Variants in ZW10 observed in about 807,000 individuals in gnomAD.
ZW10 encodes the protein centromere/kinetochore protein zw10 homolog.
ZW10 carries 53 observed loss-of-function variants against 87.8 expected under a neutral mutation model. The observed-to-expected ratio is 0.60, with a 90% CI of 0.48 to 0.76. The LOEUF is 0.76. Ranked by LOEUF, ZW10 falls within the 30% of genes least tolerant of loss-of-function variation. The pLI, the probability that ZW10 is intolerant of heterozygous loss-of-function variation, is 0.00. For synonymous variants in ZW10, 312 were observed against 329.2 expected, an observed-to-expected ratio of 0.95 and a Z score of 0.57; for missense variants, 837 against 923.0, an observed-to-expected ratio of 0.91 and a Z score of 1.21.
chr11:113,757,444 G>T (rs543179918), intron 7 of ZW10, among the ~76,000 whole-genome samples: 2 of 152,242 alleles, frequency 1.3e-5, no homozygotes, highest in East Asian at 3.9e-4. Flanking sequence ...AGAATCTGGG[G>T]TACCACTGAT....
At chr11:113,766,862 C>T (rs1436657033) in intron 2 of ZW10, among the ~76,000 whole-genome samples, 2 of 149,858 alleles carry the variant, frequency 1.3e-5, no homozygotes, top group Admixed American at 6.7e-5. Context: ...ACTAAAAATA[C>T]AAAAATTAGC....
At position 113,733,718 on chromosome 11, in the gene ZW10, T is replaced by C. The variant is rs1180628299; in HGVS notation, c.2316A>G (p.Ala772=). The change falls in exon 16 of 16, where the codon GCA becomes GCG. Residue 772 remains alanine, a synonymous_variant. Transcript: ENST00000200135. ...GCTATTTAATTTTAGCAAGGGCAGC[T>C]GCTCTTCTTTCTGTGTTCTGAAACA... ...RALFQNTERR[A]AALAKIK 1 of 1,614,176 alleles carries C rather than the reference T, an allele frequency of 6.2e-7. No individual in the cohort carries two copies. Among genetic ancestry groups the C allele is most frequent in the South Asian group, 1.1e-5 (1 of 91,082 alleles).
Position 113,737,559 on chromosome 11 carries a change from T to C in ZW10, c.2016+13A>G. 2 of 1,596,108 alleles carry C rather than the reference T, an allele frequency of 1.3e-6. No individual in the cohort carries two copies. Among genetic ancestry groups the C allele is most frequent in the African/African-American group, 2.7e-5 (2 of 74,766 alleles). On this transcript the variant is annotated intron_variant, in intron 14 of 15. Coordinates refer to ENST00000200135, the MANE Select transcript of ZW10 (RefSeq NM_004724.4). ...TGCATCTCAAGGCTAGTGTAGCATC[T>C]AATGGCCCTTACCTCTAGGGCAGTA...
At chr11:113,752,262 ATGTG>A (rs145208653) in intron 7 of ZW10, among the ~76,000 whole-genome samples, 26 of 149,136 alleles carry the variant, frequency 1.7e-4, no homozygotes, top group Admixed American at 2.7e-4. Flanking sequence ...CATGAACAAG[ATGTG>A]TGTGTGTGTG....
intron 7 of ZW10, among the ~76,000 whole-genome samples, chr11:113,755,095 C>A (rs557060050): frequency 1.3e-5 from 2 of 152,306 alleles, no homozygotes; most frequent in South Asian, 4.1e-4. Flanking sequence ...GTTTTGATGC[C>A]TGCTAACACC....
chr11:113,752,665 T>C (rs1215322702), intron 7 of ZW10, among the ~76,000 whole-genome samples: 3 of 152,208 alleles, frequency 2.0e-5, no homozygotes, highest in Non-Finnish European at 2.9e-5. Context: ...ACTTAACAAA[T>C]GTTGTGTGTG....
intron 2 of ZW10, among the ~76,000 whole-genome samples, chr11:113,762,357 T>C (rs1472575583): frequency 6.6e-6 from 1 of 152,180 alleles, no homozygotes; most frequent in Non-Finnish European, 1.5e-5. Flanking sequence ...GGTGAGTCAG[T>C]GGGTGAGTGG....
chr11:113,760,474 A>T (rs375386338), intron 4 of ZW10, 39 bp downstream of exon 4: 2 of 1,604,592 alleles, frequency 1.2e-6, no homozygotes, highest in African/African-American at 2.7e-5. Context: ...AAACAAGAAG[A>T]GCACTTATTG....
chr11:113,733,574 A>T lies in ZW10; in HGVS notation c.*120T>A. Reference sequence around the variant, plus strand: ...GTAAGACGTTCTTCTGTAAAGTCAAACTTCCAAGATGTACTGGTTCACCAA... The same window carrying T: ...GTAAGACGTTCTTCTGTAAAGTCAATCTTCCAAGATGTACTGGTTCACCAA... On this transcript the variant is annotated 3_prime_UTR_variant, in exon 16 of 16. Coordinates refer to ENST00000200135, the MANE Select transcript of ZW10 (RefSeq NM_004724.4). The T allele has an allele frequency of 7.2e-7, 1 of 1,387,736 alleles. No homozygotes were observed. The highest frequency in any genetic ancestry group is 2.3e-5 in the East Asian group (1 of 43,446). 86.0% of individuals were successfully genotyped at this position (1,387,736 alleles called of 1,614,324 possible). A position where few individuals can be genotyped will look rare whatever the true frequency, so the allele number is the denominator to read the frequency against.
At chr11:113,765,658 G>A (rs1366022221) in intron 2 of ZW10, among the ~76,000 whole-genome samples, 1 of 152,146 alleles carries the variant, frequency 6.6e-6, no homozygotes, top group Non-Finnish European at 1.5e-5. Context: ...TCTGGATTGA[G>A]GCCTGAGATC....
At position 113,747,505 on chromosome 11, in the gene ZW10, T is replaced by C. The variant is rs986356808; in HGVS notation, c.1272+26A>G. The C allele has an allele frequency of 3.8e-6, 6 of 1,590,058 alleles. No individual in the cohort carries two copies. The African/African-American group carries it at 6.7e-5, about 18-fold the overall frequency. ...TTGCTTTCTCATATACAATGTTTCA[T>C]ATACAATGCAATATAACACTGGTAC... is the stretch of plus-strand genomic sequence containing the variant. On this transcript the variant is annotated intron_variant, in intron 9 of 15. Transcript: ENST00000200135.
chr11:113,768,278 C>G (rs78185198), intron 2 of ZW10, among the ~76,000 whole-genome samples: 271 of 152,286 alleles, frequency 1.8e-3, no homozygotes, highest in African/African-American at 6.1e-3. Context: ...GTTTATTTCA[C>G]AGTTCTTCAA....
chr11:113,753,078 G>C (rs2134882055), intron 7 of ZW10, among the ~76,000 whole-genome samples: 1 of 151,860 alleles, frequency 6.6e-6, no homozygotes, highest in South Asian at 2.1e-4. Context: ...TGTTATATAG[G>C]TAAACTTGTG....
At chr11:113,736,580 T>G in intron 15 of ZW10, 40 bp downstream of exon 15, 1 of 1,586,160 alleles carries the variant, frequency 6.3e-7, no homozygotes, top group Non-Finnish European at 8.7e-7. Flanking sequence ...CTCTTGTAGC[T>G]ATGGAGAGTT....
rs1290102567 is a variant in ZW10, at chr11:113,747,670, AT to A, written c.1132del (p.Met378Ter). ...TEEFENALKEMRFLKGDTTDL... is the reference protein window; with the variant it reads ...TEEFENALKEXRFLKGDTTDL... ...TGTAGTATCTCCTTTTAAAAATCTCATTTCCTTTAGGGCATTTTCAAATTCT... is the reference window on the plus strand; with the variant it reads ...TGTAGTATCTCCTTTTAAAAATCTCATTCCTTTAGGGCATTTTCAAATTCT... On this transcript the variant is annotated frameshift_variant, in exon 9 of 16. Coordinates refer to ENST00000200135, the MANE Select transcript of ZW10 (RefSeq NM_004724.4). LOFTEE classifies it high-confidence loss of function. 6.2e-7 allele frequency: 1 copy of A among 1,612,694 alleles called. No individual in the cohort carries two copies.
At chr11:113,758,174 C>CAA (rs140640693) in intron 6 of ZW10, among the ~76,000 whole-genome samples, 3 of 145,336 alleles carry the variant, frequency 2.1e-5, no homozygotes, top group Non-Finnish European at 4.5e-5. Context: ...AACTCCATCT[C>CAA]AAAAAAAAAC....
intron 2 of ZW10, among the ~76,000 whole-genome samples, chr11:113,765,450 T>A (rs1259242747): frequency 1.3e-5 from 2 of 152,224 alleles, no homozygotes; most frequent in African/African-American, 4.8e-5. Flanking sequence ...CTTCCAACTC[T>A]GAGTCTTAAG....
At chr11:113,746,062 G>A (rs183992846) in intron 9 of ZW10, among the ~76,000 whole-genome samples, 2 of 152,284 alleles carry the variant, frequency 1.3e-5, no homozygotes, top group African/African-American at 4.8e-5. Flanking sequence ...AGAATCTAGG[G>A]AACAGAGGTC....
intron 7 of ZW10, among the ~76,000 whole-genome samples, chr11:113,750,741 AAG>A (rs1225629486): frequency 3.3e-5 from 5 of 152,248 alleles, no homozygotes; most frequent in Non-Finnish European, 7.3e-5. Context: ...GTCCAATAAA[AAG>A]TGTGATTTTA....
Sources: allele counts gnomAD v4.1 joint callset (sites outside exome capture counted in the v4.1 genomes callset), GRCh38; gene constraint gnomAD v4.1.1; transcripts MANE v1.5; gene names NCBI Gene and HGNC (gene_info 2026-07-23, HGNC 2026-07-21).